Variants in CAMTA1 observed in about 807,000 individuals in gnomAD.
CAMTA1 encodes calmodulin-binding transcription activator 1.
CAMTA1 carries 27 observed loss-of-function variants against 170.9 expected under a neutral mutation model. The ratio of observed to expected loss-of-function variants is 0.16; its 90% CI spans 0.12 to 0.22. The LOEUF is 0.22. CAMTA1 is among the 10% of genes least tolerant of loss of function. The pLI, the probability that CAMTA1 is intolerant of heterozygous loss-of-function variation, is 1.00. For missense variants in CAMTA1, 1,619 were observed against 2,217.2 expected, an observed-to-expected ratio of 0.73 and a Z score of 5.42; for synonymous variants, 833 against 891.5, an observed-to-expected ratio of 0.93 and a Z score of 1.17.
intron 5 of CAMTA1, among the ~76,000 whole-genome samples, chr1:7,462,568 T>C (rs2093115917): frequency 6.6e-6 from 1 of 152,214 alleles, no homozygotes. Context: ...CTACCTATTT[T>C]TGAACAGCTG....
intron 3 of CAMTA1, among the ~76,000 whole-genome samples, chr1:6,856,956 A>G (rs1389759351): frequency 1.3e-5 from 2 of 152,090 alleles, no homozygotes; most frequent in Admixed American, 6.6e-5. Context: ...TGGCAGGAGA[A>G]GAGGCCACAG....
intron 5 of CAMTA1, among the ~76,000 whole-genome samples, chr1:7,465,283 C>T (rs990786639): frequency 6.6e-6 from 1 of 152,186 alleles, no homozygotes; most frequent in Non-Finnish European, 1.5e-5. Context: ...AAATAACCAA[C>T]CATTGGGGTA....
intron 2 of CAMTA1, among the ~76,000 whole-genome samples, chr1:6,820,965 A>G (rs976703460): frequency 6.6e-6 from 1 of 152,158 alleles, no homozygotes; most frequent in African/African-American, 2.4e-5. Context: ...TTGAAAATGT[A>G]AATGTAGATA....
chr1:7,710,594 C>G (rs1431028985), intron 11 of CAMTA1, among the ~76,000 whole-genome samples: 2 of 92,978 alleles, frequency 2.2e-5, no homozygotes, highest in Non-Finnish European at 4.3e-5. Flanking sequence ...GAACGAGACC[C>G]TGTCTCAAAA....
chr1:7,468,567 G>C (rs975053561), intron 6 of CAMTA1, among the ~76,000 whole-genome samples: 3 of 152,244 alleles, frequency 2.0e-5, no homozygotes, highest in African/African-American at 7.2e-5. Flanking sequence ...CAGCTGTCTT[G>C]CCTGCCGTGT....
At chr1:7,276,303 A>ATTTTTTTTTT (rs1180773965) in intron 5 of CAMTA1, among the ~76,000 whole-genome samples, 12 of 24,228 alleles carry the variant, frequency 5.0e-4, no homozygotes, top group African/African-American at 1.2e-3. Context: ...ATATATATAT[A>ATTTTTTTTTT]TTTTTTTTTT....
intron 6 of CAMTA1, among the ~76,000 whole-genome samples, chr1:7,613,422 G>T (rs559508115): frequency 6.6e-6 from 1 of 152,100 alleles, no homozygotes; most frequent in Admixed American, 6.5e-5. Context: ...TGGCCTGGGT[G>T]GTCCCCCAGG....
rs1321296834 is a variant in CAMTA1, at chr1:6,806,996, C to CAG, written c.46-13183_46-13182dup. On this transcript the variant is annotated intron_variant, in intron 1 of 22. Transcript: ENST00000303635. The stretch of plus-strand genomic sequence containing the variant: ...TATCTGTGCCAGGCACAAGGAAGGA[C>CAG]AGACCCAGTCTCTGTCCTTATGGAG... 10 of 639,240 alleles carry CAG rather than the reference C, an allele frequency of 1.6e-5. 1 individual carries two copies. The highest frequency in any genetic ancestry group is 1.2e-4 in the South Asian group (7 of 57,328). The allele number at this position is 639,240 out of a possible 1,614,324, so 39.6% of individuals were successfully genotyped here. A position where few individuals can be genotyped will look rare whatever the true frequency, so the allele number is the denominator to read the frequency against.
intron 5 of CAMTA1, among the ~76,000 whole-genome samples, chr1:7,335,591 C>T (rs1454760246): frequency 6.6e-6 from 1 of 152,100 alleles, no homozygotes; most frequent in Non-Finnish European, 1.5e-5. Context: ...ATACATCTCG[C>T]TCTGGGGAGA....
At position 7,766,592 on chromosome 1, in the gene CAMTA1, C is replaced by A; in HGVS notation, c.*101C>A. On this transcript the variant is annotated 3_prime_UTR_variant, in exon 23 of 23. Transcript: ENST00000303635. ...TGCAACAACAACACACACGCACACA[C>A]GCACACACACACACGTACACACACA... is the stretch of plus-strand genomic sequence containing the variant. 2.0e-6 allele frequency: 2 copies of A among 978,454 alleles called. No homozygotes were observed. Among genetic ancestry groups the A allele is most frequent in the Non-Finnish European group, 3.3e-6 (2 of 610,556 alleles). 60.6% of individuals were successfully genotyped at this position (978,454 alleles called of 1,614,324 possible).
At chr1:7,062,864 C>G (rs1307687476) in intron 3 of CAMTA1, among the ~76,000 whole-genome samples, 1 of 152,246 alleles carries the variant, frequency 6.6e-6, no homozygotes, top group Non-Finnish European at 1.5e-5. Context: ...CCCGTCCCTG[C>G]TCCATCTTCA....
At chr1:7,111,579 C>T (rs74051125) in intron 4 of CAMTA1, among the ~76,000 whole-genome samples, 5,070 of 152,212 alleles carry the variant, frequency 0.033, 102 homozygotes, top group Middle Eastern at 0.058. Context: ...CTTCACCTCT[C>T]GGAGCTCCTG....
At chr1:7,440,558 C>A (rs2092493225) in intron 5 of CAMTA1, among the ~76,000 whole-genome samples, 1 of 152,250 alleles carries the variant, frequency 6.6e-6, no homozygotes, top group Non-Finnish European at 1.5e-5. Context: ...GCAGCTATCA[C>A]AAACAGCATG....
chr1:7,680,625 C>G lies in CAMTA1; in HGVS notation c.2914+2892C>G, dbSNP rs1437220297. Among the ~76,000 whole-genome samples, 3 of 151,956 alleles carry G rather than the reference C, an allele frequency of 2.0e-5. No homozygotes were observed. Among genetic ancestry groups the G allele is most frequent in the African/African-American group, 7.2e-5 (3 of 41,404 alleles). ...CCGCCTCCGAGTGCGCCGCACCGTGCGGCGGGGACCACAGGCCTTCGGTGG... is the reference window on the plus strand; with the variant it reads ...CCGCCTCCGAGTGCGCCGCACCGTGGGGCGGGGACCACAGGCCTTCGGTGG... On this transcript the variant is annotated intron_variant, in intron 11 of 22. Transcript: ENST00000303635. The surrounding 1 kb of genome is among the most constrained non-coding windows in gnomAD (Gnocchi z 4.4).
intron 22 of CAMTA1, among the ~76,000 whole-genome samples, chr1:7,764,780 C>T (rs141653094): frequency 0.14 from 20,727 of 151,820 alleles, 1,686 homozygotes; most frequent in South Asian, 0.26. Context: ...GCCAACATGG[C>T]GAAACATCAT....
In CAMTA1 at chr1:7,664,699, T is replaced by C. The variant is rs774985305; in HGVS notation, c.2152T>C (p.Tyr718His). 6.2e-7 allele frequency: 1 copy of C among 1,608,402 alleles called. No homozygotes were observed. Among genetic ancestry groups the C allele is most frequent in the East Asian group, 2.2e-5 (1 of 44,666 alleles). Residue 718 changes from tyrosine to histidine, a missense_variant, in exon 9 of 23, where the codon TAC (tyrosine) becomes CAC (histidine). Tyr to His is a moderately conservative substitution (Grantham distance 83). This residue lies in a region of CAMTA1 where 731 missense variants were observed against 907.6 expected (regional missense o/e 0.81). Transcript: ENST00000303635. ...GELQACSSEHYLQPETNGVIR... is the reference protein window; with the variant it reads ...GELQACSSEHHLQPETNGVIR... ...GCTGCAGGCTTGCAGCTCTGAGCAC[T>C]ACCTGCAGCCGGAGACCAACGGGGT...
At chr1:6,829,429 A>G (rs1385223905) in intron 3 of CAMTA1, among the ~76,000 whole-genome samples, 2 of 152,208 alleles carry the variant, frequency 1.3e-5, no homozygotes, top group Non-Finnish European at 2.9e-5. Flanking sequence ...TAAATGTTAC[A>G]TCTGAAACCA....
chr1:7,162,288 G>C (rs1448798304), intron 4 of CAMTA1, among the ~76,000 whole-genome samples: 2 of 152,152 alleles, frequency 1.3e-5, no homozygotes, highest in Non-Finnish European at 2.9e-5. Context: ...TTAACCAAGG[G>C]AGTTCCACAG....
At chr1:6,868,120 T>A in intron 3 of CAMTA1, among the ~76,000 whole-genome samples, 1 of 152,042 alleles carries the variant, frequency 6.6e-6, no homozygotes, top group East Asian at 1.9e-4. Context: ...TGGGTAGTTC[T>A]TTTTAATTGT....
Sources: gnomAD v4.1 joint callset for allele counts (sites outside exome capture counted in the v4.1 genomes callset) on GRCh38, gnomAD v4.1.1 for gene constraint, gnomAD v4.1.1 regional missense constraint, Gnocchi (gnomAD v3.1) non-coding constraint, MANE v1.5 for transcripts, NCBI Gene and HGNC (gene_info 2026-07-23, HGNC 2026-07-21) for gene names.